DOP1A: variants seen among roughly 807,000 people sequenced by gnomAD.
DOP1A encodes protein DOP1A.
Under a neutral mutation model 267.6 loss-of-function variants are expected in DOP1A, and 90 were observed. The observed-to-expected ratio is 0.34, with a 90% CI of 0.28 to 0.40. The LOEUF is 0.40. Among genes scored for constraint, DOP1A ranks in the 10% least tolerant of loss-of-function variants. The pLI is 1.00. For missense variants in DOP1A, 2,437 were observed against 2,900.4 expected (o/e 0.84, Z 3.67); for synonymous variants, 932 against 999.1 (o/e 0.93, Z 1.27).
chr6:83,125,365 A>AAGG, intron 14 of DOP1A, 135 bp from the exon 15 acceptor site: 10 of 1,009,488 alleles, frequency 9.9e-6, no homozygotes, highest in Non-Finnish European at 1.4e-5. Context: ...AATAAAATAT[A>AAGG]CAGTGTTAAT....
chr6:83,108,684 AGG>A (rs1277038843), intron 4 of DOP1A, among the ~76,000 whole-genome samples: 3 of 152,218 alleles, frequency 2.0e-5, no homozygotes, highest in Non-Finnish European at 4.4e-5. Flanking sequence ...GTGAAATATG[AGG>A]ACTTTGTGAA....
chr6:83,165,315 A>G (rs1442195489), intron 38 of DOP1A: 1 of 152,456 alleles, frequency 6.6e-6, no homozygotes, highest in Non-Finnish European at 1.5e-5. Context: ...TAGGAAGCAA[A>G]CTTAAGTGAT....
At chr6:83,169,342 G>C, downstream of DOP1A, 1 of 1,612,996 alleles carries the variant, frequency 6.2e-7, no homozygotes, top group Non-Finnish European at 8.5e-7. Context: ...TACATTAAAA[G>C]AGATTAGATG....
chr6:83,067,790 C>A lies in DOP1A; in HGVS notation c.-147+11C>A, dbSNP rs529893751. 7.2e-5 allele frequency: 11 copies of A among 152,338 alleles called. No individual in the cohort carries two copies. Among genetic ancestry groups the A allele is most frequent in the African/African-American group, 2.4e-4 (10 of 41,474 alleles). The allele number at this position is 152,338 out of a possible 1,614,324, so 9.4% of individuals were successfully genotyped here. On this transcript the variant is annotated intron_variant, in intron 1 of 38. Coordinates refer to ENST00000349129, the MANE Select transcript of DOP1A (RefSeq NM_015018.4). ...CCGAGCCAGCAGCAGGTAAAAGCGT[C>A]CCTGCCCCCAGTGCGGCCGCTAGGC...
chr6:83,111,210 A>T (rs1044722477), intron 6 of DOP1A, among the ~76,000 whole-genome samples: 3 of 152,002 alleles, frequency 2.0e-5, no homozygotes, highest in African/African-American at 7.3e-5. Flanking sequence ...TCAGCATCCC[A>T]AGGTGCTGGG....
chr6:83,169,265 C>T (rs1277629363), downstream of DOP1A: 1 of 1,613,906 alleles, frequency 6.2e-7, no homozygotes, highest in East Asian at 2.2e-5. Context: ...TTCTCCAATT[C>T]CTCCAGCCAG....
At chr6:83,160,730 G>T (rs955215030) in intron 37 of DOP1A, among the ~76,000 whole-genome samples, 1 of 151,968 alleles carries the variant, frequency 6.6e-6, no homozygotes, top group African/African-American at 2.4e-5. Flanking sequence ...TGTAGTTAAG[G>T]TAATATGAGA....
Position 83,168,381 on chromosome 6 carries a change from G to C in DOP1A, c.*214G>C. The C allele has an allele frequency of 7.4e-7, 1 of 1,360,508 alleles. No individual in the cohort carries two copies. The highest frequency in any genetic ancestry group is 1.7e-5 in the South Asian group (1 of 59,512). 84.3% of individuals were successfully genotyped at this position (1,360,508 alleles called of 1,614,324 possible). A position where few individuals can be genotyped will look rare whatever the true frequency, so the allele number is the denominator to read the frequency against. On this transcript the variant is annotated 3_prime_UTR_variant, in exon 39 of 39. Transcript: ENST00000349129. ...CTCATACTGATTATGGTGCCTAAGA[G>C]AGCTATATATATACACATGTAAAGT...
rs759200494 is a variant in DOP1A at position 83,137,819 on chromosome 6, A to T, written c.3777A>T (p.Lys1259Asn). The T allele has an allele frequency of 6.2e-7, 1 of 1,613,878 alleles. No individual in the cohort carries two copies. Among genetic ancestry groups the T allele is most frequent in the Non-Finnish European group, 8.5e-7 (1 of 1,179,874 alleles). Residue 1259 changes from lysine to asparagine, a missense_variant, in exon 21 of 39, where the codon AAA (lysine) becomes AAT (asparagine). By Grantham distance (94) the Lys-to-Asn change is moderately conservative. Around this residue, in one of 9 missense-constraint regions of DOP1A, gnomAD observed 878 missense variants for 992.9 expected, o/e 0.88. Coordinates refer to ENST00000349129, the MANE Select transcript of DOP1A (RefSeq NM_015018.4). ...HDSSVASIET[K>N]SRQRSHSSIQ... ...CTTCTGTTGCTTCCATAGAAACCAA[A>T]TCTAGACAAAGGAGTCACAGTAGTA...
Position 83,159,892 on chromosome 6 carries a change from T to C in DOP1A, c.6894T>C (p.Tyr2298=). 3 of 1,614,086 alleles carry C rather than the reference T, an allele frequency of 1.9e-6. No individual in the cohort carries two copies. The highest frequency in any genetic ancestry group is 1.7e-4 in the Middle Eastern group (1 of 6,060). ...SYNSQRWLNL[Y]LSACKFLDLA... ...ACAGCCAGCGGTGGTTAAACCTCTA[T>C]CTCTCTGCTTGCAAATTTTTGGATT... is the stretch of plus-strand genomic sequence containing the variant. The change falls in exon 37 of 39, where the codon TAT becomes TAC. Residue 2298 remains tyrosine (Y), a synonymous_variant. Transcript: ENST00000349129.
chr6:83,148,642 G>A (rs1780999807), intron 26 of DOP1A, 117 bp from the exon 27 acceptor site: 4 of 611,646 alleles, frequency 6.5e-6, no homozygotes, highest in South Asian at 2.4e-5. Flanking sequence ...TAGTAAAAAT[G>A]TAAAGTTTTT....
chr6:83,138,124 A>G lies in DOP1A; in HGVS notation c.4082A>G (p.Asn1361Ser). Residue 1361 changes from asparagine to serine, a missense_variant, in exon 21 of 39, where the codon AAC becomes AGC. This residue lies in a region of DOP1A where 878 missense variants were observed against 992.9 expected (regional missense o/e 0.88). Coordinates refer to ENST00000349129, the MANE Select transcript of DOP1A (RefSeq NM_015018.4). The stretch of plus-strand genomic sequence containing the variant: ...GGATCTCGAAAATCTCCCAATTTCA[A>G]CATTCATCCTCTCTATCAACATGTG... Reference protein sequence around the residue: ...SPGSRKSPNFNIHPLYQHVLL... With the variant: ...SPGSRKSPNFSIHPLYQHVLL... 1 of 1,613,960 alleles carries G rather than the reference A, an allele frequency of 6.2e-7. No homozygotes were observed. The highest frequency in any genetic ancestry group is 1.1e-5 in the South Asian group (1 of 91,078).
At chr6:83,098,486 A>G (rs904399563) in intron 3 of DOP1A, among the ~76,000 whole-genome samples, 1 of 152,160 alleles carries the variant, frequency 6.6e-6, no homozygotes, top group African/African-American at 2.4e-5. Context: ...TTTGATGCCA[A>G]TCACAAGCCC....
At chr6:83,140,138 T>C (rs200635138) in intron 22 of DOP1A, 27 bp downstream of exon 22, 41 of 1,606,976 alleles carry the variant, frequency 2.6e-5, no homozygotes, top group Non-Finnish European at 3.3e-5. Flanking sequence ...ATTTGACTTC[T>C]TTTGAAAGAC....
intron 7 of DOP1A, 31 bp from the exon 8 acceptor site, chr6:83,118,857 C>T (rs771440985): frequency 2.9e-5 from 46 of 1,589,754 alleles, no homozygotes; most frequent in Middle Eastern, 1.7e-4. Flanking sequence ...TTGTATATTG[C>T]TAAGTACAAC....
At chr6:83,119,996 A>T (rs751844319) in intron 9 of DOP1A, 139 bp downstream of exon 9, 10 of 590,340 alleles carry the variant, frequency 1.7e-5, no homozygotes, top group Admixed American at 3.5e-5. Context: ...AAGAATTTTT[A>T]TAACAAGAAA....
chr6:83,126,207 C>CA (rs1777128817), intron 15 of DOP1A, among the ~76,000 whole-genome samples: 1 of 150,786 alleles, frequency 6.6e-6, no homozygotes, highest in Non-Finnish European at 1.5e-5. Context: ...AGGCACCACT[C>CA]AAAGGTGAGC....
intron 24 of DOP1A, among the ~76,000 whole-genome samples, chr6:83,144,017 G>A (rs955692115): frequency 3.3e-5 from 5 of 152,180 alleles, no homozygotes; most frequent in African/African-American, 1.2e-4. Flanking sequence ...GCAACACTGG[G>A]AATTTTGATG....
intron 4 of DOP1A, among the ~76,000 whole-genome samples, chr6:83,106,111 G>A (rs938201085): frequency 6.6e-6 from 1 of 151,926 alleles, no homozygotes. Context: ...TCATCTCAAG[G>A]TTTATGGTTT....
Sources: gnomAD v4.1 joint callset for allele counts (sites outside exome capture counted in the v4.1 genomes callset) on GRCh38, gnomAD v4.1.1 for gene constraint, gnomAD v4.1.1 regional missense constraint, MANE v1.5 for transcripts, NCBI Gene and HGNC (gene_info 2026-07-23, HGNC 2026-07-21) for gene names.